The following PARP4 variants were observed in gnomAD, a reference collection of about 807,000 sequenced individuals.
The protein encoded by PARP4 is protein mono-ADP-ribosyltransferase PARP4.
In PARP4, 120 loss-of-function variants were observed where a neutral mutation model predicts 187.7. That is an observed-to-expected ratio of 0.64 (90% CI 0.55 to 0.74). The LOEUF (loss-of-function observed/expected upper bound fraction) is 0.74. Among genes scored for constraint, PARP4 ranks in the 30% least tolerant of loss-of-function variants. PARP4 has a pLI of 0.00. For synonymous variants in PARP4, 654 were observed against 740.9 expected, an observed-to-expected ratio of 0.88 and a Z score of 1.90; for missense variants, 1,836 against 2,070.5, an observed-to-expected ratio of 0.89 and a Z score of 2.20.
chr13:24,425,569 G>GTGTGTATC lies in PARP4; in HGVS notation c.4979+896_4979+897insGATACACA, dbSNP rs1491353761. Reference sequence around the variant, plus strand: ...TGTGTGTGTGTGTGTGTGTGTGTGTGTATATCTATATCTATATCTATATCT... The same window carrying GTGTGTATC: ...TGTGTGTGTGTGTGTGTGTGTGTGTGTGTGTATCTATATCTATATCTATATCTATATCT... On this transcript the variant is annotated intron_variant, in intron 33 of 33. Coordinates refer to ENST00000381989, the MANE Select transcript of PARP4 (RefSeq NM_006437.4). Among the ~76,000 whole-genome samples, 62 of 136,820 alleles carry GTGTGTATC rather than the reference G, an allele frequency of 4.5e-4. 2 individuals carry two copies. The highest frequency in any genetic ancestry group is 1.6e-3 in the African/African-American group (57 of 35,506). The allele number at this position is 136,820 out of a possible 152,430, so 89.8% of individuals were successfully genotyped here.
At chr13:24,458,101 T>C (rs1215839535) in intron 20 of PARP4, among the ~76,000 whole-genome samples, 1 of 150,312 alleles carries the variant, frequency 6.7e-6, no homozygotes, top group Non-Finnish European at 1.5e-5. Flanking sequence ...TGAGACCCTG[T>C]CTCTACAATT....
intron 3 of PARP4, among the ~76,000 whole-genome samples, chr13:24,501,365 T>A (rs1177916362): frequency 6.6e-5 from 10 of 152,180 alleles, no homozygotes; most frequent in Non-Finnish European, 1.3e-4. Context: ...CCCCTCCCCC[T>A]AGTTAAAAGC....
At chr13:24,502,501 G>A (rs553230387) in intron 2 of PARP4, among the ~76,000 whole-genome samples, 81 of 152,358 alleles carry the variant, frequency 5.3e-4, no homozygotes, top group South Asian at 1.7e-3. Context: ...TACACTATGC[G>A]TAGATACATG....
intron 10 of PARP4, among the ~76,000 whole-genome samples, chr13:24,488,912 A>G (rs1453787162): frequency 6.6e-6 from 1 of 152,210 alleles, no homozygotes; most frequent in Non-Finnish European, 1.5e-5. Flanking sequence ...ATCGTACAAT[A>G]TGTGGCTTCT....
rs7997644 is a variant in PARP4 at position 24,492,609 on chromosome 13, T to C, written c.880-15A>G. On this transcript the variant is annotated splice_polypyrimidine_tract_variant and intron_variant, in intron 8 of 33. Transcript: ENST00000381989. Reference sequence around the variant, plus strand: ...GCCTTGCTCACCTTTCAACAGATCATATATGCTTATTACAATGAAATCTCA... The same window carrying C: ...GCCTTGCTCACCTTTCAACAGATCACATATGCTTATTACAATGAAATCTCA... 9.9e-4 allele frequency: 1,585 copies of C among 1,597,002 alleles called. 9 individuals carry two copies. In the African/African-American group the frequency reaches 0.019, roughly 19 times the overall value.
At chr13:24,437,469 T>C (rs1006995964) in intron 30 of PARP4, among the ~76,000 whole-genome samples, 1 of 152,014 alleles carries the variant, frequency 6.6e-6, no homozygotes, top group African/African-American at 2.4e-5. Context: ...TCACAACTCA[T>C]ATCACAAAGG....
intron 15 of PARP4, among the ~76,000 whole-genome samples, chr13:24,470,514 G>C (rs534715810): frequency 6.6e-6 from 1 of 152,126 alleles, no homozygotes; most frequent in South Asian, 2.1e-4. Flanking sequence ...GGTTCTTCCA[G>C]AATCAAGTCT....
rs1397168236 is a variant in PARP4 at position 24,469,877 on chromosome 13, G to C, written c.2046+17C>G. The C allele has an allele frequency of 4.4e-6, 7 of 1,606,474 alleles. No individual in the cohort carries two copies. The highest frequency in any genetic ancestry group is 6.0e-6 in the Non-Finnish European group (7 of 1,176,058). On this transcript the variant is annotated intron_variant, in intron 16 of 33. Transcript: ENST00000381989. ...TTTGAAAGCCGAGAGCGGGCACGAT[G>C]CATCTTCTTGCCTTACCTCTCCAAC...
chr13:24,480,495 G>A (rs1873218732), intron 12 of PARP4, among the ~76,000 whole-genome samples: 1 of 152,212 alleles, frequency 6.6e-6, no homozygotes, highest in South Asian at 2.1e-4. Context: ...TGAAAGCTAG[G>A]CCTCTTGTGG....
chr13:24,430,356 A>T (rs961673990), intron 32 of PARP4, among the ~76,000 whole-genome samples: 6 of 151,226 alleles, frequency 4.0e-5, no homozygotes, highest in Admixed American at 3.3e-4. Context: ...ATTTTATTTA[A>T]AAAAAAAATC....
intron 17 of PARP4, among the ~76,000 whole-genome samples, chr13:24,468,645 A>C (rs4770691): frequency 0.51 from 77,385 of 151,906 alleles, 20,014 homozygotes; most frequent in South Asian, 0.65. Context: ...CTCAGGTGAT[A>C]TGCCCACCTC....
intron 24 of PARP4, among the ~76,000 whole-genome samples, chr13:24,451,201 G>A (rs1299868744): frequency 6.6e-6 from 1 of 152,234 alleles, no homozygotes; most frequent in African/African-American, 2.4e-5. Context: ...TGACCTGGGA[G>A]CAGGGGGCAG....
At chr13:24,468,083 C>T (rs1199422570) in intron 17 of PARP4, among the ~76,000 whole-genome samples, 1 of 152,192 alleles carries the variant, frequency 6.6e-6, no homozygotes, top group Non-Finnish European at 1.5e-5. Context: ...GTGTCACCCT[C>T]AGAGGCGATA....
At chr13:24,451,169 C>T (rs1217014814) in intron 24 of PARP4, among the ~76,000 whole-genome samples, 1 of 152,226 alleles carries the variant, frequency 6.6e-6, no homozygotes, top group African/African-American at 2.4e-5. Context: ...GCCAGTACCT[C>T]TGCCCTGTGG....
At chr13:24,493,108 A>T (rs1382397696) in intron 8 of PARP4, among the ~76,000 whole-genome samples, 1 of 152,232 alleles carries the variant, frequency 6.6e-6, no homozygotes, top group Non-Finnish European at 1.5e-5. Context: ...AAGTTGTACC[A>T]TTGGGGTATC....
At position 24,475,528 on chromosome 13, in the gene PARP4, A is replaced by C. The variant is rs1395357181; in HGVS notation, c.1858T>G (p.Leu620Val). The C allele has an allele frequency of 6.2e-7, 1 of 1,614,002 alleles. No individual in the cohort carries two copies. The highest frequency in any genetic ancestry group is 2.2e-5 in the East Asian group (1 of 44,878). ...KAGLQDASGN[L>V]VPLEDVHIKG... ...ATGTGGACATCCTCCAGAGGAACCA[A>C]GTTCCCAGAGGCATCCTGGAGGCCG... is the stretch of plus-strand genomic sequence containing the variant. The change falls in exon 15 of 34, where the codon TTG becomes GTG. Residue 620 changes from leucine (L) to valine (V), a missense_variant. Leu to Val is a conservative substitution (Grantham distance 32). Around this residue, in one of 8 missense-constraint regions of PARP4, gnomAD observed 1,147 missense variants for 1,214.2 expected, o/e 0.94. Transcript: ENST00000381989.
chr13:24,465,196 T>TA (rs1453699307), intron 17 of PARP4, among the ~76,000 whole-genome samples: 1 of 152,156 alleles, frequency 6.6e-6, no homozygotes, highest in Non-Finnish European at 1.5e-5. Context: ...GGTGGGAGTG[T>TA]AAATTAGTTC....
chr13:24,471,072 A>T (rs770622973), intron 15 of PARP4, among the ~76,000 whole-genome samples: 4 of 152,266 alleles, frequency 2.6e-5, no homozygotes, highest in Non-Finnish European at 4.4e-5. Flanking sequence ...GACTGCTTAG[A>T]GTGTGCCTGG....
At chr13:24,471,436 A>G (rs1300515363) in intron 15 of PARP4, among the ~76,000 whole-genome samples, 3 of 152,198 alleles carry the variant, frequency 2.0e-5, no homozygotes, top group Non-Finnish European at 2.9e-5. Flanking sequence ...GATAACGACA[A>G]TAAAAGTATT....
Sources: allele counts gnomAD v4.1 joint callset (sites outside exome capture counted in the v4.1 genomes callset), GRCh38; gene constraint gnomAD v4.1.1; regional missense constraint gnomAD v4.1.1; transcripts MANE v1.5; gene names NCBI Gene and HGNC (gene_info 2026-07-23, HGNC 2026-07-21).